The following PCDH15 variants were observed in gnomAD, a reference collection of about 807,000 sequenced individuals.
PCDH15 encodes the protein protocadherin-15.
A neutral mutation model predicts 178.5 loss-of-function variants in PCDH15; 129 were observed. The observed-to-expected ratio is 0.72, with a 90% CI of 0.63 to 0.84. PCDH15 has a LOEUF of 0.84. PCDH15 is among the 40% of genes least tolerant of loss of function. PCDH15 has a pLI of 0.00. For synonymous variants in PCDH15, 800 were observed against 732.0 expected, an observed-to-expected ratio of 1.09 and a Z score of -1.50; for missense variants, 2,230 against 2,099.9, an observed-to-expected ratio of 1.06 and a Z score of -1.21.
intron 4 of PCDH15, among the ~76,000 whole-genome samples, chr10:54,372,702 T>A (rs1947851487): frequency 6.6e-6 from 1 of 151,682 alleles, no homozygotes; most frequent in African/African-American, 2.4e-5. Flanking sequence ...TTTCTTTAAT[T>A]GCTTTATTCA....
intron 8 of PCDH15, among the ~76,000 whole-genome samples, chr10:54,308,246 T>A (rs2060672814): frequency 6.6e-6 from 1 of 152,084 alleles, no homozygotes; most frequent in African/African-American, 2.4e-5. Flanking sequence ...GGGACAAGCT[T>A]AAGGACTTGA....
chr10:53,841,529 A>G (rs997988738), intron 28 of PCDH15, among the ~76,000 whole-genome samples: 17 of 152,126 alleles, frequency 1.1e-4, no homozygotes, highest in Non-Finnish European at 2.1e-4. Context: ...TTGCCTTGTT[A>G]TTAGAACAAT....
At chr10:55,145,111 T>G (rs4935132) in intron 2 of PCDH15, among the ~76,000 whole-genome samples, 137,106 of 151,960 alleles carry the variant, frequency 0.9, 62,527 homozygotes, top group Non-Finnish European at 0.97. Context: ...TTTAACACAT[T>G]ATTCTTTCCA....
chr10:55,215,320 A>T (rs1840674538), intron 1 of PCDH15, among the ~76,000 whole-genome samples: 1 of 152,134 alleles, frequency 6.6e-6, no homozygotes, highest in African/African-American at 2.4e-5. Context: ...TCAAGTGATA[A>T]TTCAGTGTGT....
chr10:54,724,694 G>A (rs112639074), intron 1 of PCDH15, among the ~76,000 whole-genome samples: 18,443 of 150,846 alleles, frequency 0.12, 1,252 homozygotes, highest in African/African-American at 0.17. Flanking sequence ...AATGGTTTCT[G>A]GAATAAACGA....
chr10:53,854,406 T>C (rs1269107467), intron 28 of PCDH15, among the ~76,000 whole-genome samples: 5 of 152,182 alleles, frequency 3.3e-5, no homozygotes, highest in Middle Eastern at 3.4e-3. Flanking sequence ...GTAATGTTTA[T>C]ACTATGTTTT....
intron 21 of PCDH15, among the ~76,000 whole-genome samples, chr10:53,978,657 GT>G (rs3066397): frequency 0.44 from 63,238 of 143,104 alleles, 13,885 homozygotes; most frequent in Middle Eastern, 0.63. Flanking sequence ...TCCAGAAAAT[GT>G]TTTTTTTTTT....
intron 2 of PCDH15, among the ~76,000 whole-genome samples, chr10:55,101,930 A>T (rs772387137): frequency 6.6e-6 from 1 of 151,760 alleles, no homozygotes; most frequent in East Asian, 1.9e-4. Context: ...CATTTTTAGG[A>T]TATAATGTTT....
intron 2 of PCDH15, among the ~76,000 whole-genome samples, chr10:54,986,229 G>T (rs1839360172): frequency 1.3e-5 from 2 of 151,954 alleles, no homozygotes; most frequent in South Asian, 4.1e-4. Context: ...ACTATGCAGG[G>T]GATACACTGT....
chr10:54,497,326 A>G (rs1438655531), intron 3 of PCDH15, among the ~76,000 whole-genome samples: 1 of 152,136 alleles, frequency 6.6e-6, no homozygotes, highest in Non-Finnish European at 1.5e-5. Context: ...AAAGATTAAA[A>G]GAACATTAGC....
At chr10:55,449,006 T>A (rs1839376589) in intron 2 of PCDH15, among the ~76,000 whole-genome samples, 1 of 152,060 alleles carries the variant, frequency 6.6e-6, no homozygotes, top group African/African-American at 2.4e-5. Context: ...TTATATTTAA[T>A]CCCAATGTGT....
chr10:55,270,261 G>A (rs1018563226), intron 1 of PCDH15, among the ~76,000 whole-genome samples: 1 of 151,872 alleles, frequency 6.6e-6, no homozygotes, highest in African/African-American at 2.4e-5. Context: ...AAAAGCAATT[G>A]GAACAAAAAC....
intron 2 of PCDH15, among the ~76,000 whole-genome samples, chr10:54,628,049 C>T (rs1405345400): frequency 6.6e-6 from 1 of 152,130 alleles, no homozygotes; most frequent in Non-Finnish European, 1.5e-5. Context: ...AGGATTACTG[C>T]CTTTATTTGA....
intron 2 of PCDH15, among the ~76,000 whole-genome samples, chr10:54,579,535 T>A (rs1230941697): frequency 6.6e-6 from 1 of 151,986 alleles, no homozygotes; most frequent in East Asian, 1.9e-4. Context: ...AAAACAATAA[T>A]GGGAGACCTC....
At chr10:53,847,253 G>T (rs2078034698) in intron 28 of PCDH15, among the ~76,000 whole-genome samples, 1 of 152,040 alleles carries the variant, frequency 6.6e-6, no homozygotes, top group African/African-American at 2.4e-5. Context: ...CAGATTTCAT[G>T]ATTATAAACC....
intron 2 of PCDH15, among the ~76,000 whole-genome samples, chr10:54,556,622 G>A (rs1432455837): frequency 1.4e-5 from 2 of 142,786 alleles, no homozygotes; most frequent in African/African-American, 2.6e-5. Flanking sequence ...CTTATTTTAA[G>A]AGACTTTTTT....
intron 13 of PCDH15, among the ~76,000 whole-genome samples, chr10:54,166,856 A>G (rs979909950): frequency 6.6e-6 from 1 of 152,158 alleles, no homozygotes; most frequent in Non-Finnish European, 1.5e-5. Context: ...AAGTGATGAC[A>G]TTACCTTGTG....
intron 1 of PCDH15, among the ~76,000 whole-genome samples, chr10:54,729,383 T>G (rs553567571): frequency 3.8e-4 from 57 of 151,832 alleles, no homozygotes; most frequent in African/African-American, 1.3e-3. Flanking sequence ...AGACTGACAC[T>G]GGATCCTTTC....
intron 1 of PCDH15, among the ~76,000 whole-genome samples, chr10:54,738,550 C>T (rs1176331983): frequency 6.6e-6 from 1 of 151,986 alleles, no homozygotes. Context: ...TACTTCAAAA[C>T]TCATTCTATG....
Sources: gnomAD v4.1 joint callset for allele counts (sites outside exome capture counted in the v4.1 genomes callset) on GRCh38, gnomAD v4.1.1 for gene constraint, MANE v1.5 for transcripts, NCBI Gene and HGNC (gene_info 2026-07-23, HGNC 2026-07-21) for gene names.